ITIH2: variants seen among roughly 807,000 people sequenced by gnomAD.
ITIH2 encodes inter-alpha-trypsin inhibitor heavy chain 2.
A neutral mutation model predicts 104.4 loss-of-function variants in ITIH2; 103 were observed. That is an observed-to-expected ratio of 0.99 (90% CI 0.84 to 1.16). The LOEUF (loss-of-function observed/expected upper bound fraction) is 1.16, where lower values mean the gene tolerates loss of function less well. Among genes scored for constraint, ITIH2 ranks in the 50% most tolerant of loss-of-function variants. The pLI, the probability that ITIH2 is intolerant of heterozygous loss-of-function variation, is 0.00. For synonymous variants in ITIH2, 436 were observed against 435.4 expected (o/e 1.00, Z -0.02); for missense variants, 1,108 against 1,162.4 (o/e 0.95, Z 0.68).
Position 7,746,629 on chromosome 10 carries a change from A to C in ITIH2, c.2618A>C (p.Asn873Thr), listed in dbSNP as rs774547862. ...FMQEPKIHIF[N>T]ERPGKDPEKP... ...CAGGAACCAAAGATACACATCTTCA[A>C]TGAGAGACCAGGAAAGGACCCTGAG... Residue 873 changes from asparagine (N) to threonine (T), a missense_variant, in exon 20 of 21, where the codon AAT (asparagine) becomes ACT (threonine). Asn to Thr is a moderately conservative substitution (Grantham distance 65). Coordinates refer to ENST00000358415, the MANE Select transcript of ITIH2 (RefSeq NM_002216.3). 1.4e-5 allele frequency: 22 copies of C among 1,613,902 alleles called. No homozygotes were observed. Among genetic ancestry groups the C allele is most frequent in the Non-Finnish European group, 1.9e-5 (22 of 1,179,872 alleles).
At chr10:7,707,274 TG>T in intron 3 of ITIH2, 41 bp downstream of exon 3, 2 of 1,454,848 alleles carry the variant, frequency 1.4e-6, no homozygotes, top group Non-Finnish European at 1.9e-6. Context: ...ATGATTTTCC[TG>T]TTAATAATTA....
intron 15 of ITIH2, among the ~76,000 whole-genome samples, chr10:7,736,668 A>G (rs552886039): frequency 2.0e-5 from 3 of 152,200 alleles, no homozygotes; most frequent in Non-Finnish European, 4.4e-5. Flanking sequence ...TTGTTTACAA[A>G]TAAGAAGTAA....
At chr10:7,745,018 G>T in intron 19 of ITIH2, 55 bp downstream of exon 19, 2 of 1,510,192 alleles carry the variant, frequency 1.3e-6, no homozygotes, top group Non-Finnish European at 9.1e-7. Context: ...TTCTTTAGCA[G>T]CTTTGGTTGA....
At chr10:7,737,449 CAG>C (rs1835067182) in intron 15 of ITIH2, among the ~76,000 whole-genome samples, 9 of 125,330 alleles carry the variant, frequency 7.2e-5, no homozygotes, top group Non-Finnish European at 1.5e-4. Flanking sequence ...ATATATATAA[CAG>C]ATAACGTATA....
intron 1 of ITIH2, among the ~76,000 whole-genome samples, chr10:7,703,796 G>A: frequency 6.6e-6 from 1 of 152,172 alleles, no homozygotes; most frequent in Admixed American, 6.5e-5. Context: ...AAAAAATTGG[G>A]GGTAAGAATA....
At chr10:7,719,613 T>C (rs1171071844) in intron 6 of ITIH2, among the ~76,000 whole-genome samples, 2 of 151,372 alleles carry the variant, frequency 1.3e-5, no homozygotes, top group Non-Finnish European at 2.9e-5. Context: ...ATAAATAAAT[T>C]AGCCAGGCAT....
At chr10:7,729,125 C>T (rs960593099) in intron 11 of ITIH2, among the ~76,000 whole-genome samples, 2 of 152,056 alleles carry the variant, frequency 1.3e-5, no homozygotes, top group African/African-American at 4.8e-5. Flanking sequence ...ACCAGCCTGG[C>T]CAACATGGTG....
chr10:7,716,948 ATTT>A (rs755687195), intron 5 of ITIH2, among the ~76,000 whole-genome samples: 3 of 131,612 alleles, frequency 2.3e-5, no homozygotes, highest in Non-Finnish European at 4.8e-5. Flanking sequence ...CTACAAGCCT[ATTT>A]TTTTTTTTTT....
rs1446449511 is a variant in ITIH2, at chr10:7,748,807, A to G, written c.2694-380A>G. Among the ~76,000 whole-genome samples, 3 of 151,668 alleles carry G rather than the reference A, an allele frequency of 2.0e-5. No individual in the cohort carries two copies. In the East Asian group the frequency reaches 5.8e-4, roughly 29 times the overall value. ...GTGGTCCGCCCACCTCAGCCTCCCA[A>G]AGCGCTGAGATTACAGGCGTGAGCC... On this transcript the variant is annotated intron_variant, in intron 20 of 20. Transcript: ENST00000358415.
At chr10:7,721,832 C>A in intron 8 of ITIH2, 55 bp downstream of exon 8, 1 of 1,596,916 alleles carries the variant, frequency 6.3e-7, no homozygotes, top group South Asian at 1.1e-5. Context: ...AGAGCTGCTC[C>A]TTTTTGAACA....
intron 12 of ITIH2, among the ~76,000 whole-genome samples, chr10:7,730,558 T>A (rs1409733645): frequency 6.6e-6 from 1 of 152,176 alleles, no homozygotes; most frequent in Non-Finnish European, 1.5e-5. Flanking sequence ...TGGTGGCTCA[T>A]GCCTGTAATC....
In ITIH2 at chr10:7,703,406, TG is replaced by T; in HGVS notation, c.-25del. On this transcript the variant is annotated 5_prime_UTR_variant, in exon 1 of 21. Transcript: ENST00000358415. ...GATATCCTCCCCAGACCATCTGCTT[TG>T]GGGAGCTTGGCAAAACTGTCCAGCA... The T allele has an allele frequency of 1.9e-6, 3 of 1,550,292 alleles. No individual in the cohort carries two copies. The highest frequency in any genetic ancestry group is 2.7e-6 in the Non-Finnish European group (3 of 1,121,842).
chr10:7,711,126 T>G (rs4298806), intron 4 of ITIH2, among the ~76,000 whole-genome samples: 10,650 of 152,134 alleles, frequency 0.07, 387 homozygotes, highest in Admixed American at 0.084. Flanking sequence ...TGTGTAATAT[T>G]CCCCTCCCTG....
chr10:7,723,251 G>A (rs1342978493), intron 8 of ITIH2, among the ~76,000 whole-genome samples, 200 bp from the exon 9 acceptor site: 4 of 151,948 alleles, frequency 2.6e-5, no homozygotes, highest in Non-Finnish European at 2.9e-5. Flanking sequence ...GGAGTGGAGC[G>A]GAATGTTCTG....
chr10:7,731,790 C>G (rs760808628), intron 12 of ITIH2, 21 bp from the exon 13 acceptor site: 2 of 1,538,460 alleles, frequency 1.3e-6, no homozygotes, highest in East Asian at 4.5e-5. Context: ...TAATTTCTCT[C>G]TCTCTCTCTG....
At position 7,735,050 on chromosome 10, in the gene ITIH2, T is replaced by C. The variant is rs1835040995; in HGVS notation, c.1916T>C (p.Met639Thr). The change falls in exon 15 of 21, where the codon ATG becomes ACG. Residue 639 changes from methionine (M) to threonine (T), a missense_variant. Physicochemically the swap from Met to Thr is moderately conservative, Grantham distance 81 (BLOSUM62 -1). Transcript: ENST00000358415. ...VIENEAGDER[M>T]LADAPPQDPS... ...GAGAACGAGGCTGGGGATGAGCGCA[T>C]GCTGGCGGATGCCCCACCGCAGGAT... 1.9e-6 allele frequency: 3 copies of C among 1,612,244 alleles called. No individual in the cohort carries two copies. The highest frequency in any genetic ancestry group is 1.3e-5 in the African/African-American group (1 of 74,950).
At chr10:7,746,536 C>A in intron 19 of ITIH2, 57 bp from the exon 20 acceptor site, 1 of 1,175,338 alleles carries the variant, frequency 8.5e-7, no homozygotes, top group Non-Finnish European at 1.3e-6. Flanking sequence ...CAATAATGAG[C>A]CTCTTTTTAT....
chr10:7,740,838 C>G (rs531398087), intron 16 of ITIH2, among the ~76,000 whole-genome samples: 108 of 152,322 alleles, frequency 7.1e-4, no homozygotes, highest in Non-Finnish European at 1.4e-3. Flanking sequence ...AAGCTGTTAT[C>G]ACTGACCAGT....
intron 2 of ITIH2, among the ~76,000 whole-genome samples, chr10:7,705,764 A>G (rs533149453): frequency 4.3e-4 from 65 of 151,922 alleles, no homozygotes; most frequent in Non-Finnish European, 7.9e-4. Context: ...AGATTCCGAA[A>G]TTATTTCCTG....
Sources: allele counts gnomAD v4.1 joint callset (sites outside exome capture counted in the v4.1 genomes callset), GRCh38; gene constraint gnomAD v4.1.1; transcripts MANE v1.5; gene names NCBI Gene and HGNC (gene_info 2026-07-23, HGNC 2026-07-21).